The following ARHGEF28 variants were observed in gnomAD, a reference collection of about 807,000 sequenced individuals.
ARHGEF28 encodes the protein Rho guanine nucleotide exchange factor 28, also known as 190 kDa guanine nucleotide exchange factor.
Under a neutral mutation model 206.6 loss-of-function variants are expected in ARHGEF28, and 152 were observed. The observed-to-expected ratio is 0.74, with a 90% CI of 0.64 to 0.84. The LOEUF is 0.84. Among genes scored for constraint, ARHGEF28 ranks in the 40% least tolerant of loss-of-function variants. ARHGEF28 has a pLI of 0.00. For synonymous variants in ARHGEF28, 763 were observed against 776.4 expected (o/e 0.98, Z 0.29); for missense variants, 2,028 against 2,073.2 (o/e 0.98, Z 0.42).
At chr5:73,731,412 A>G (rs1490275044) in intron 2 of ARHGEF28, among the ~76,000 whole-genome samples, 1 of 152,204 alleles carries the variant, frequency 6.6e-6, no homozygotes, top group Non-Finnish European at 1.5e-5. Flanking sequence ...CTATTAAAAA[A>G]TTTGTTCAAA....
chr5:73,861,597 T>C lies in ARHGEF28; in HGVS notation c.2048-3220T>C, dbSNP rs1759407710. 2.0e-5 allele frequency among the ~76,000 whole-genome samples: 3 copies of C among 152,352 alleles called. No homozygotes were observed. The South Asian group carries it at 6.2e-4, about 32-fold the overall frequency. On this transcript the variant is annotated intron_variant, in intron 16 of 35. Coordinates refer to ENST00000513042, the MANE Select transcript of ARHGEF28 (RefSeq NM_001177693.2). ...ATAGGCACATGCCACAACACCCAGC[T>C]ATATGTGAGATTTTAATGCTGTTTC...
chr5:73,920,545 GTTTT>G (rs756699052), intron 35 of ARHGEF28, among the ~76,000 whole-genome samples: 2 of 110,530 alleles, frequency 1.8e-5, no homozygotes, highest in Non-Finnish European at 3.6e-5. Flanking sequence ...CGTCATCTAG[GTTTT>G]TTTTTTTTTT....
intron 5 of ARHGEF28, among the ~76,000 whole-genome samples, chr5:73,775,138 A>G (rs918045588): frequency 6.6e-6 from 1 of 152,230 alleles, no homozygotes; most frequent in Admixed American, 6.5e-5. Context: ...GCAAGGCAAG[A>G]ACACTTCCTT....
chr5:73,842,651 T>A (rs914134831), intron 11 of ARHGEF28, among the ~76,000 whole-genome samples: 3 of 152,178 alleles, frequency 2.0e-5, no homozygotes, highest in Non-Finnish European at 4.4e-5. Flanking sequence ...TAAATTGAGC[T>A]ATGTGTGATA....
At chr5:73,642,260 G>A (rs1459366493) in intron 1 of ARHGEF28, among the ~76,000 whole-genome samples, 2 of 152,196 alleles carry the variant, frequency 1.3e-5, no homozygotes, top group African/African-American at 4.8e-5. Flanking sequence ...GTCTATGTTA[G>A]ATATCTGTCT....
intron 7 of ARHGEF28, among the ~76,000 whole-genome samples, chr5:73,784,353 G>T (rs1220091575): frequency 1.3e-5 from 2 of 152,098 alleles, no homozygotes; most frequent in Non-Finnish European, 2.9e-5. Context: ...TATTGCCTAC[G>T]ATCCAGTTAT....
intron 20 of ARHGEF28, among the ~76,000 whole-genome samples, chr5:73,869,217 T>TGGGG (rs1580010686): frequency 1.3e-4 from 1 of 7,626 alleles, no homozygotes; most frequent in Non-Finnish European, 2.3e-4. Context: ...AGTGTGTGTG[T>TGGGG]GGGGTGGAGG....
intron 22 of ARHGEF28, among the ~76,000 whole-genome samples, chr5:73,877,727 T>G (rs1580028777): frequency 6.6e-6 from 1 of 151,142 alleles, no homozygotes; most frequent in Admixed American, 6.6e-5. Flanking sequence ...TGTAGTTGAG[T>G]GGTTTTGAGT....
chr5:73,664,984 A>G (rs1745855160), intron 1 of ARHGEF28, among the ~76,000 whole-genome samples: 1 of 151,948 alleles, frequency 6.6e-6, no homozygotes, highest in Non-Finnish European at 1.5e-5. Context: ...ATTTCCCACT[A>G]CTTCTAGTTC....
In ARHGEF28 at chr5:73,776,500, A is replaced by C. The variant is rs1753548681; in HGVS notation, c.660-16A>C. ...TCTTTGAAGCTCTGTGTGGGTTTTG[A>C]TTTGTGTTGTTTCAGTTTTCAGGGC... On this transcript the variant is annotated splice_polypyrimidine_tract_variant and intron_variant, in intron 5 of 35. Transcript: ENST00000513042. 2.5e-6 allele frequency: 4 copies of C among 1,602,914 alleles called. No homozygotes were observed. Among genetic ancestry groups the C allele is most frequent in the Non-Finnish European group, 2.6e-6 (3 of 1,172,798 alleles).
At chr5:73,919,212 G>A (rs425911) in intron 35 of ARHGEF28, among the ~76,000 whole-genome samples, 16,985 of 152,224 alleles carry the variant, frequency 0.11, 1,086 homozygotes, top group South Asian at 0.21. Context: ...TGCCAACAAA[G>A]TGAAAGTGTT....
At chr5:73,671,713 TA>T (rs1561323203) in intron 1 of ARHGEF28, among the ~76,000 whole-genome samples, 9 of 13,378 alleles carry the variant, frequency 6.7e-4, no homozygotes, top group African/African-American at 2.4e-3. Context: ...TATATATATA[TA>T]TATATATATA....
chr5:73,738,934 G>A (rs1751189719), intron 2 of ARHGEF28, among the ~76,000 whole-genome samples: 1 of 152,174 alleles, frequency 6.6e-6, no homozygotes, highest in Non-Finnish European at 1.5e-5. Flanking sequence ...TTGACAAATT[G>A]TAGTCTTTAC....
chr5:73,729,401 A>G (rs902116898), intron 2 of ARHGEF28, among the ~76,000 whole-genome samples: 4 of 152,134 alleles, frequency 2.6e-5, no homozygotes, highest in Admixed American at 1.3e-4. Flanking sequence ...CCTCTGGGCT[A>G]AAGGAATGCT....
chr5:73,857,912 G>A (rs1326155613), intron 15 of ARHGEF28, 133 bp downstream of exon 15: 1 of 1,381,724 alleles, frequency 7.2e-7, no homozygotes, highest in Non-Finnish European at 9.7e-7. Context: ...ATGGAATATT[G>A]CTAAAGCCCA....
At chr5:73,907,308 T>C (rs1406829261) in intron 33 of ARHGEF28, among the ~76,000 whole-genome samples, 1 of 152,228 alleles carries the variant, frequency 6.6e-6, no homozygotes. Flanking sequence ...TTTTCAACCC[T>C]GAATGCAGCC....
At chr5:73,929,518 T>C (rs1223693922) in intron 35 of ARHGEF28, among the ~76,000 whole-genome samples, 1 of 152,164 alleles carries the variant, frequency 6.6e-6, no homozygotes, top group East Asian at 1.9e-4. Flanking sequence ...TATTTTTGAC[T>C]CAGGATCCAA....
rs184057586 is a variant in ARHGEF28 at position 73,671,288 on chromosome 5, A to T, written c.-11-13553A>T. On this transcript the variant is annotated intron_variant, in intron 1 of 35. Coordinates refer to ENST00000513042, the MANE Select transcript of ARHGEF28 (RefSeq NM_001177693.2). Reference sequence around the variant, plus strand: ...GTTTCTCAGCCAGGCTTTATCTAGGACCTGACCCAAGTGTTCCTTTCACAG... The same window carrying T: ...GTTTCTCAGCCAGGCTTTATCTAGGTCCTGACCCAAGTGTTCCTTTCACAG... Among the ~76,000 whole-genome samples the T allele has an allele frequency of 1.6e-4, 24 of 152,280 alleles. No individual in the cohort carries two copies. The East Asian group carries it at 4.4e-3, about 28-fold the overall frequency.
chr5:73,882,361 AT>A (rs1228093060), intron 22 of ARHGEF28, 110 bp from the exon 23 acceptor site: 5 of 769,930 alleles, frequency 6.5e-6, no homozygotes, highest in Non-Finnish European at 9.2e-6. Flanking sequence ...ATTCCATGAT[AT>A]TTATTTTTTA....
Sources: allele counts gnomAD v4.1 joint callset (sites outside exome capture counted in the v4.1 genomes callset), GRCh38; gene constraint gnomAD v4.1.1; transcripts MANE v1.5; gene names NCBI Gene and HGNC (gene_info 2026-07-23, HGNC 2026-07-21).